Variants in NALF1 observed in about 807,000 individuals in gnomAD.
NALF1 encodes the protein family with sequence similarity 155 member A.
Under a neutral mutation model 48.4 loss-of-function variants are expected in NALF1, and 3 were observed. The ratio of observed to expected loss-of-function variants is 0.06; its 90% confidence interval spans 0.03 to 0.16. The LOEUF (loss-of-function observed/expected upper bound fraction) is 0.16, where lower values mean the gene tolerates loss of function less well. Among genes scored for constraint, NALF1 ranks in the 10% least tolerant of loss-of-function variants. The pLI is 1.00. For synonymous variants in NALF1, 262 were observed against 245.7 expected, an observed-to-expected ratio of 1.07 and a Z score of -0.62; for missense variants, 526 against 571.5, an observed-to-expected ratio of 0.92 and a Z score of 0.81.
chr13:107,757,245 A>G (rs1368833362), intron 1 of NALF1, among the ~76,000 whole-genome samples: 1 of 152,132 alleles, frequency 6.6e-6, no homozygotes, highest in African/African-American at 2.4e-5. Context: ...CCATATTAAC[A>G]TAAGGTAGGA....
intron 1 of NALF1, among the ~76,000 whole-genome samples, chr13:107,758,584 G>A (rs957863511): frequency 1.4e-4 from 22 of 152,034 alleles, no homozygotes; most frequent in African/African-American, 5.3e-4. Context: ...AGCTGGGTGT[G>A]GTGGCAGGCA....
intron 1 of NALF1, among the ~76,000 whole-genome samples, chr13:107,226,132 G>A (rs1880103154): frequency 6.6e-6 from 1 of 152,040 alleles, no homozygotes; most frequent in African/African-American, 2.4e-5. Flanking sequence ...TGTTCCTGGG[G>A]TTTAAACACA....
At chr13:107,583,277 G>GA (rs1878364610) in intron 1 of NALF1, among the ~76,000 whole-genome samples, 1 of 151,930 alleles carries the variant, frequency 6.6e-6, no homozygotes, top group Non-Finnish European at 1.5e-5. Context: ...TTGCAAGAAT[G>GA]AGTTTAATGA....
chr13:107,762,321 T>C (rs765126544), intron 1 of NALF1, among the ~76,000 whole-genome samples: 4 of 151,854 alleles, frequency 2.6e-5, no homozygotes, highest in Non-Finnish European at 5.9e-5. Context: ...TGGGTGTAAA[T>C]CTCCCACTCT....
intron 1 of NALF1, among the ~76,000 whole-genome samples, chr13:107,416,205 C>T (rs549594158): frequency 2.7e-5 from 4 of 149,864 alleles, no homozygotes; most frequent in East Asian, 2.0e-4. Flanking sequence ...TTAGTAGAGA[C>T]GGGATTTCAA....
At chr13:107,201,501 C>T (rs189153805) in intron 2 of NALF1, among the ~76,000 whole-genome samples, 179 of 152,060 alleles carry the variant, frequency 1.2e-3, no homozygotes, top group African/African-American at 3.7e-3. Flanking sequence ...GGTGTGAACC[C>T]GCGAGGGGGA....
intron 1 of NALF1, among the ~76,000 whole-genome samples, chr13:107,704,567 T>C (rs1041020488): frequency 6.6e-6 from 1 of 152,174 alleles, no homozygotes; most frequent in Non-Finnish European, 1.5e-5. Flanking sequence ...ATAGTGTTTA[T>C]TTTGAGCCAG....
At chr13:107,251,461 G>T (rs549950079) in intron 1 of NALF1, among the ~76,000 whole-genome samples, 3 of 152,278 alleles carry the variant, frequency 2.0e-5, no homozygotes, top group African/African-American at 7.2e-5. Flanking sequence ...TTTTTTTACA[G>T]CTGCTGTGGA....
intron 1 of NALF1, among the ~76,000 whole-genome samples, chr13:107,763,515 A>T (rs922266705): frequency 6.6e-6 from 1 of 151,266 alleles, no homozygotes; most frequent in African/African-American, 2.4e-5. Flanking sequence ...TTCACTGCAG[A>T]TAAAAATAGT....
In NALF1 at chr13:107,170,358, C is replaced by T; in HGVS notation, c.*139G>A. On this transcript the variant is annotated 3_prime_UTR_variant, in exon 3 of 3. Transcript: ENST00000375915. ...GGTTGTGTCCTTGTTTGGATTCAGG[C>T]CCATCTGTTTAAATTTTACCCTAAA... 1 of 724,746 alleles carries T rather than the reference C, an allele frequency of 1.4e-6. No homozygotes were observed. Among genetic ancestry groups the T allele is most frequent in the African/African-American group, 1.8e-5 (1 of 56,538 alleles). The allele number at this position is 724,746 out of a possible 1,614,324, so 44.9% of individuals were successfully genotyped here.
intron 1 of NALF1, among the ~76,000 whole-genome samples, chr13:107,222,280 T>C (rs1221822302): frequency 6.6e-6 from 1 of 152,222 alleles, no homozygotes; most frequent in Non-Finnish European, 1.5e-5. Flanking sequence ...GAAACAACTA[T>C]TTAACTATTA....
intron 1 of NALF1, among the ~76,000 whole-genome samples, chr13:107,627,743 T>C (rs1332330639): frequency 1.3e-5 from 2 of 152,068 alleles, no homozygotes; most frequent in African/African-American, 4.8e-5. Flanking sequence ...TAGGCTATTA[T>C]TAGAAATATC....
intron 2 of NALF1, among the ~76,000 whole-genome samples, chr13:107,178,814 G>C (rs1056563076): frequency 6.6e-6 from 1 of 152,036 alleles, no homozygotes; most frequent in Non-Finnish European, 1.5e-5. Context: ...GCGTGGTGGC[G>C]GGTGCCTGTA....
intron 1 of NALF1, among the ~76,000 whole-genome samples, chr13:107,856,031 T>C (rs1880434216): frequency 1.3e-5 from 2 of 152,030 alleles, no homozygotes; most frequent in African/African-American, 4.8e-5. Flanking sequence ...CAGCCTCCTG[T>C]GTAGCTGGGA....
At chr13:107,334,130 C>G (rs1882515323) in intron 1 of NALF1, among the ~76,000 whole-genome samples, 1 of 152,130 alleles carries the variant, frequency 6.6e-6, no homozygotes, top group Non-Finnish European at 1.5e-5. Flanking sequence ...AATTCAGTTG[C>G]TGTGATGGCA....
intron 1 of NALF1, among the ~76,000 whole-genome samples, chr13:107,325,887 T>TATATATATAC (rs752320518): frequency 9.2e-4 from 54 of 58,858 alleles, no homozygotes; most frequent in Admixed American, 1.3e-3. Flanking sequence ...TATATATATA[T>TATATATATAC]ACACACACAC....
At chr13:107,261,350 C>A (rs1339986332) in intron 1 of NALF1, among the ~76,000 whole-genome samples, 1 of 152,154 alleles carries the variant, frequency 6.6e-6, no homozygotes, top group African/African-American at 2.4e-5. Flanking sequence ...ATCCCTGGAT[C>A]CTGCCACATC....
intron 1 of NALF1, among the ~76,000 whole-genome samples, chr13:107,683,417 A>G (rs1881353150): frequency 6.6e-6 from 1 of 152,198 alleles, no homozygotes. Context: ...ATATCTGCCT[A>G]TATGTAGTCA....
In NALF1 at chr13:107,332,369, A is replaced by G. The variant is rs374580694; in HGVS notation, c.916-121614T>C. ...CACTGCTTAAACGGTGAGAAAAAAA[A>G]TCTGCAAAGGAGCAGCAGGAGTAGA... On this transcript the variant is annotated intron_variant, in intron 1 of 2. Transcript: ENST00000375915. 1.8e-3 allele frequency among the ~76,000 whole-genome samples: 276 copies of G among 152,338 alleles called. 2 individuals are homozygous for G. Among genetic ancestry groups the G allele is most frequent in the African/African-American group, 6.3e-3 (263 of 41,574 alleles).
Sources: gnomAD v4.1 joint callset for allele counts (sites outside exome capture counted in the v4.1 genomes callset) on GRCh38, gnomAD v4.1.1 for gene constraint, MANE v1.5 for transcripts, NCBI Gene and HGNC (gene_info 2026-07-23, HGNC 2026-07-21) for gene names.